Variants in BTBD7 observed in about 807,000 individuals in gnomAD.
BTBD7 encodes BTB domain containing 7.
A neutral mutation model predicts 99.9 loss-of-function variants in BTBD7; 38 were observed. That is an observed-to-expected ratio of 0.38 (90% CI 0.29 to 0.50). The LOEUF is 0.50. Ranked by LOEUF, BTBD7 falls within the 20% of genes least tolerant of loss-of-function variation. The pLI is 0.93. For missense variants in BTBD7, 1,170 were observed against 1,394.6 expected, an observed-to-expected ratio of 0.84 and a Z score of 2.57; for synonymous variants, 520 against 511.4, an observed-to-expected ratio of 1.02 and a Z score of -0.23.
intron 1 of BTBD7, among the ~76,000 whole-genome samples, chr14:93,298,940 C>A (rs1304327883): frequency 6.6e-6 from 1 of 152,132 alleles, no homozygotes; most frequent in African/African-American, 2.4e-5. Context: ...TGGGGTTTCA[C>A]CTTAGAGAGG....
At chr14:93,310,679 G>A (rs2053126311) in intron 1 of BTBD7, among the ~76,000 whole-genome samples, 1 of 151,934 alleles carries the variant, frequency 6.6e-6, no homozygotes, top group Admixed American at 6.6e-5. Flanking sequence ...GGGAGGTGGA[G>A]GTTGCAGTGA....
rs546756690 is a variant in BTBD7 at position 93,325,190 on chromosome 14, T to G, written c.-107+7630A>C. 8.2e-5 allele frequency among the ~76,000 whole-genome samples: 12 copies of G among 146,482 alleles called. 1 individual carries two copies. The highest frequency in any genetic ancestry group is 2.8e-4 in the African/African-American group (11 of 39,346). ...GTGCAGTGGCGCAATCTTGGCTCAC[T>G]GCAACCTCCGCCTCTTGGGGACAAG... is the stretch of plus-strand genomic sequence containing the variant. On this transcript the variant is annotated intron_variant, in intron 1 of 10. Coordinates refer to ENST00000334746, the MANE Select transcript of BTBD7 (RefSeq NM_001002860.4).
At chr14:93,247,815 T>C (rs1455390897) in intron 9 of BTBD7, among the ~76,000 whole-genome samples, 1 of 152,268 alleles carries the variant, frequency 6.6e-6, no homozygotes, top group Non-Finnish European at 1.5e-5. Context: ...CTATTGCTTT[T>C]GTATCTAATA....
intron 4 of BTBD7, among the ~76,000 whole-genome samples, chr14:93,262,676 A>G (rs1207794832): frequency 1.3e-5 from 2 of 152,154 alleles, no homozygotes; most frequent in Non-Finnish European, 2.9e-5. Flanking sequence ...TACAATCTCT[A>G]CAAGGTATTC....
intron 5 of BTBD7, among the ~76,000 whole-genome samples, chr14:93,259,918 A>T (rs2052470089): frequency 6.6e-6 from 1 of 152,226 alleles, no homozygotes; most frequent in African/African-American, 2.4e-5. Context: ...TGGGAAACAC[A>T]GCAAGACTCC....
At chr14:93,249,334 G>A (rs1396250596) in intron 8 of BTBD7, among the ~76,000 whole-genome samples, 1 of 144,244 alleles carries the variant, frequency 6.9e-6, no homozygotes, top group Non-Finnish European at 1.5e-5. Context: ...AACATGCTGA[G>A]ACAGCCTGGC....
intron 1 of BTBD7, among the ~76,000 whole-genome samples, chr14:93,308,013 G>A (rs1012797674): frequency 2.6e-5 from 4 of 152,060 alleles, no homozygotes; most frequent in African/African-American, 4.8e-5. Context: ...AAAAAATTGC[G>A]GCCGGGCACG....
chr14:93,272,197 G>A (rs2052608220), intron 3 of BTBD7, among the ~76,000 whole-genome samples: 4 of 152,026 alleles, frequency 2.6e-5, no homozygotes, highest in Admixed American at 1.3e-4. Context: ...CAGGAGAATC[G>A]CTTGAACCCG....
At chr14:93,322,715 CAAG>C (rs1379122667) in intron 1 of BTBD7, among the ~76,000 whole-genome samples, 3 of 152,172 alleles carry the variant, frequency 2.0e-5, no homozygotes, top group Non-Finnish European at 4.4e-5. Context: ...GACATCAAAA[CAAG>C]AAGGTTTTTC....
At chr14:93,276,879 C>T (rs1372733747) in intron 3 of BTBD7, among the ~76,000 whole-genome samples, 1 of 148,732 alleles carries the variant, frequency 6.7e-6, no homozygotes, top group Non-Finnish European at 1.5e-5. Flanking sequence ...ACGACACACA[C>T]ACACACAGAT....
intron 8 of BTBD7, 51 bp downstream of exon 8, chr14:93,251,412 A>G: frequency 6.7e-7 from 1 of 1,496,104 alleles, no homozygotes; most frequent in Non-Finnish European, 9.0e-7. Flanking sequence ...GCAATTTCAA[A>G]AAAACAATAA....
chr14:93,317,787 A>C (rs2053224393), intron 1 of BTBD7, among the ~76,000 whole-genome samples: 1 of 152,306 alleles, frequency 6.6e-6, no homozygotes, highest in Non-Finnish European at 1.5e-5. Context: ...CTGTTTGTGC[A>C]AACAATATGG....
In BTBD7 at chr14:93,294,260, A is replaced by C. The variant is rs1170680430; in HGVS notation, c.760T>G (p.Ser254Ala). ...GCTTCAACCAGTTCAGAGTCTGAAG[A>C]AAAACTAAGGACGACATCATAATAA... ...MCYYDVVLSF[S>A]SDSELVEAFG... The change falls in exon 3 of 11, where the codon TCT (serine) becomes GCT (alanine). Residue 254 changes from serine to alanine, a missense_variant. By Grantham distance (99) the Ser-to-Ala change is moderately conservative. Around this residue, in one of 4 missense-constraint regions of BTBD7, gnomAD observed 359 missense variants for 497.9 expected, o/e 0.72. Transcript: ENST00000334746. 1.3e-5 allele frequency: 21 copies of C among 1,613,906 alleles called. No individual in the cohort carries two copies. Among genetic ancestry groups the C allele is most frequent in the Non-Finnish European group, 1.7e-5 (20 of 1,179,968 alleles).
At chr14:93,326,605 C>G (rs1056963666) in intron 1 of BTBD7, among the ~76,000 whole-genome samples, 1 of 151,846 alleles carries the variant, frequency 6.6e-6, no homozygotes, top group Non-Finnish European at 1.5e-5. Context: ...AGTTTGAGAC[C>G]AGCCTGGCCA....
Position 93,294,866 on chromosome 14 carries a change from T to G in BTBD7, c.154A>C (p.Lys52Gln), listed in dbSNP as rs761546054. ...KLYSLDHGHE[K>Q]PQDKKKRTSG... ...GTTCTCTTTTTTTTGTCTTGTGGTT[T>G]CTCATGGCCATGGTCAAGGCTATAC... is the stretch of plus-strand genomic sequence containing the variant. The change falls in exon 3 of 11, where the codon AAA becomes CAA. Residue 52 changes from lysine (K) to glutamine (Q), a missense_variant. Lys to Gln is a moderately conservative substitution (Grantham distance 53). Transcript: ENST00000334746. 1 of 1,613,860 alleles carries G rather than the reference T, an allele frequency of 6.2e-7. No homozygotes were observed. Among genetic ancestry groups the G allele is most frequent in the Non-Finnish European group, 8.5e-7 (1 of 1,179,976 alleles).
At chr14:93,274,288 A>G (rs1452599855) in intron 3 of BTBD7, among the ~76,000 whole-genome samples, 1 of 152,202 alleles carries the variant, frequency 6.6e-6, no homozygotes, top group Non-Finnish European at 1.5e-5. Context: ...TCTTGCGCCC[A>G]CTGCACAACC....
chr14:93,283,882 G>A (rs1355900415), intron 3 of BTBD7, among the ~76,000 whole-genome samples: 2 of 151,922 alleles, frequency 1.3e-5, no homozygotes, highest in African/African-American at 4.8e-5. Context: ...TATAAATAAG[G>A]GTGAATAAAC....
At chr14:93,249,845 G>C (rs1282578378) in intron 8 of BTBD7, among the ~76,000 whole-genome samples, 1 of 152,188 alleles carries the variant, frequency 6.6e-6, no homozygotes, top group Non-Finnish European at 1.5e-5. Context: ...TAGCTGTAGG[G>C]CTGGAGAGGG....
intron 9 of BTBD7, among the ~76,000 whole-genome samples, chr14:93,247,017 T>TATTC (rs147351646): frequency 0.013 from 2,008 of 152,260 alleles, 47 homozygotes; most frequent in African/African-American, 0.046. Flanking sequence ...ATGCCATGTT[T>TATTC]ATTCATTCAT....
Sources: allele counts gnomAD v4.1 joint callset (sites outside exome capture counted in the v4.1 genomes callset), GRCh38; gene constraint gnomAD v4.1.1; regional missense constraint gnomAD v4.1.1; transcripts MANE v1.5; gene names NCBI Gene and HGNC (gene_info 2026-07-23, HGNC 2026-07-21).